The following ARHGEF26 variants were observed in gnomAD, a reference collection of about 807,000 sequenced individuals.
The protein encoded by ARHGEF26 is Rho guanine nucleotide exchange factor 26.
Under a neutral mutation model 89.4 loss-of-function variants are expected in ARHGEF26, and 59 were observed. The ratio of observed to expected loss-of-function variants is 0.66; its 90% confidence interval spans 0.54 to 0.82. The LOEUF is 0.82. Among genes scored for constraint, ARHGEF26 ranks in the 40% least tolerant of loss-of-function variants. The probability of loss-of-function intolerance (pLI) is 0.00; values close to 1 mark genes in which losing one functional copy is unlikely to be tolerated. For missense variants in ARHGEF26, 1,234 were observed against 1,085.6 expected, an observed-to-expected ratio of 1.14 and a Z score of -1.92; for synonymous variants, 500 against 428.4, an observed-to-expected ratio of 1.17 and a Z score of -2.06.
Position 154,253,185 on chromosome 3 carries a change from T to TA in ARHGEF26, c.2368+4dup, listed in dbSNP as rs773178312. On this transcript the variant is annotated splice_region_variant and intron_variant, in intron 13 of 14. Transcript: ENST00000465093. ...GGAAGCCGCCTGCAGACCGAACCTG[T>TA]AAGTTCTCTCAAGGGGAAGCCCACT... 3 of 1,613,984 alleles carry TA rather than the reference T, an allele frequency of 1.9e-6. No individual in the cohort carries two copies. The highest frequency in any genetic ancestry group is 2.5e-6 in the Non-Finnish European group (3 of 1,179,868).
chr3:154,176,775 T>C (rs938436311), intron 6 of ARHGEF26, among the ~76,000 whole-genome samples: 4 of 152,122 alleles, frequency 2.6e-5, no homozygotes, highest in African/African-American at 9.7e-5. Flanking sequence ...TAGAAGCAGA[T>C]TTTGGTAGAT....
chr3:154,226,144 G>T (rs1716471839), intron 11 of ARHGEF26, 134 bp downstream of exon 11: 1 of 729,440 alleles, frequency 1.4e-6, no homozygotes, highest in Non-Finnish European at 2.1e-6. Context: ...AATCATAATT[G>T]CATCTATGGT....
chr3:154,241,721 A>T (rs1231311120), intron 12 of ARHGEF26, among the ~76,000 whole-genome samples: 2 of 152,218 alleles, frequency 1.3e-5, no homozygotes, highest in East Asian at 1.9e-4. Context: ...AGGTCAGTGG[A>T]TGGAAACTTA....
intron 2 of ARHGEF26, among the ~76,000 whole-genome samples, chr3:154,124,002 C>G (rs1426332822): frequency 3.9e-5 from 6 of 152,296 alleles, no homozygotes; most frequent in Admixed American, 3.9e-4. Context: ...ATGCAAAACA[C>G]AAGCAAGCCT....
At chr3:154,228,456 C>CT (rs1471664375) in intron 11 of ARHGEF26, among the ~76,000 whole-genome samples, 1 of 140,428 alleles carries the variant, frequency 7.1e-6, no homozygotes, top group Admixed American at 7.1e-5. Context: ...TTTTCTTTTT[C>CT]TTTTTTTTCT....
intron 12 of ARHGEF26, among the ~76,000 whole-genome samples, chr3:154,241,050 T>A (rs955475278): frequency 3.3e-5 from 5 of 152,166 alleles, no homozygotes; most frequent in Admixed American, 6.5e-5. Context: ...TACGGAAATA[T>A]ACTGATAAAT....
intron 5 of ARHGEF26, among the ~76,000 whole-genome samples, chr3:154,151,394 T>C (rs1271235219): frequency 2.0e-5 from 3 of 152,210 alleles, no homozygotes; most frequent in South Asian, 2.1e-4. Flanking sequence ...TAGTACAGCA[T>C]TGAAGAAGTG....
intron 6 of ARHGEF26, among the ~76,000 whole-genome samples, chr3:154,157,286 A>G (rs1527800): frequency 0.91 from 138,266 of 152,182 alleles, 63,033 homozygotes; most frequent in East Asian, 1. Context: ...GACCCATGGT[A>G]GTTGGCGAAC....
intron 11 of ARHGEF26, among the ~76,000 whole-genome samples, chr3:154,227,315 A>C (rs1360294911): frequency 9.8e-6 from 1 of 101,832 alleles, no homozygotes; most frequent in Non-Finnish European, 1.9e-5. Flanking sequence ...TTTTTTTTTG[A>C]GATAGAGTCT....
chr3:154,200,559 A>G (rs990533533), intron 9 of ARHGEF26, among the ~76,000 whole-genome samples: 1 of 151,998 alleles, frequency 6.6e-6, no homozygotes, highest in Non-Finnish European at 1.5e-5. Context: ...TTGTGGTTTC[A>G]TATACATTTT....
At position 154,121,988 on chromosome 3, in the gene ARHGEF26, C is replaced by T. The variant is rs1303695616; in HGVS notation, c.-5C>T. On this transcript the variant is annotated 5_prime_UTR_variant, in exon 2 of 15. Transcript: ENST00000465093. ...TCCTCCCGGCGCTGACTTCGAGGCC[C>T]GGCTATGGACGGCGAGAGCGAGGTG... The T allele has an allele frequency of 1.3e-6, 2 of 1,582,230 alleles. No homozygotes were observed. The highest frequency in any genetic ancestry group is 1.7e-6 in the Non-Finnish European group (2 of 1,158,248).
intron 4 of ARHGEF26, 23 bp downstream of exon 4, chr3:154,129,742 A>G (rs1332036146): frequency 1.3e-6 from 2 of 1,589,952 alleles, no homozygotes; most frequent in Admixed American, 1.8e-5. Context: ...CTTCTTTTCT[A>G]TCTGTGGTAG....
intron 10 of ARHGEF26, among the ~76,000 whole-genome samples, chr3:154,219,727 C>A (rs1194414169): frequency 6.6e-6 from 1 of 151,832 alleles, no homozygotes; most frequent in Non-Finnish European, 1.5e-5. Flanking sequence ...TCCTGGCTAA[C>A]ACAGTGAAAC....
intron 2 of ARHGEF26, among the ~76,000 whole-genome samples, 163 bp downstream of exon 2, chr3:154,123,238 G>A (rs1718111112): frequency 6.6e-6 from 1 of 152,158 alleles, no homozygotes; most frequent in African/African-American, 2.4e-5. Flanking sequence ...CCACTTTGAT[G>A]CTGGCAGGCA....
Position 154,253,193 on chromosome 3 carries a change from CT to C in ARHGEF26, c.2368+11del. On this transcript the variant is annotated intron_variant, in intron 13 of 14. Transcript: ENST00000465093. ...CCTGCAGACCGAACCTGTAAGTTCT[CT>C]CAAGGGGAAGCCCACTTGGGAACAT... is the stretch of plus-strand genomic sequence containing the variant. The C allele has an allele frequency of 1.2e-6, 2 of 1,613,980 alleles. No homozygotes were observed. The highest frequency in any genetic ancestry group is 1.7e-6 in the Non-Finnish European group (2 of 1,179,862).
intron 11 of ARHGEF26, among the ~76,000 whole-genome samples, chr3:154,232,984 C>T (rs1237302170): frequency 2.6e-5 from 4 of 151,896 alleles, no homozygotes; most frequent in African/African-American, 7.3e-5. Flanking sequence ...CTTGCCACCA[C>T]GCCCGGCTAA....
At chr3:154,169,641 A>G (rs1188529617) in intron 6 of ARHGEF26, among the ~76,000 whole-genome samples, 2 of 152,198 alleles carry the variant, frequency 1.3e-5, no homozygotes, top group Non-Finnish European at 2.9e-5. Flanking sequence ...ATTGTAAGTT[A>G]GAGTTCTAGT....
In ARHGEF26 at chr3:154,256,978, A is replaced by G; in HGVS notation, c.*1505A>G. On this transcript the variant is annotated 3_prime_UTR_variant, in exon 15 of 15. Transcript: ENST00000465093. ...GGCAGCTATATTCCCTCTCTGTTCTATTTGCTTTAACAAAGGGATAAAACC... is the reference window on the plus strand; with the variant it reads ...GGCAGCTATATTCCCTCTCTGTTCTGTTTGCTTTAACAAAGGGATAAAACC... 1.3e-6 allele frequency: 2 copies of G among 1,523,786 alleles called. No homozygotes were observed. The highest frequency in any genetic ancestry group is 2.0e-5 in the Admixed American group (1 of 49,254). 94.4% of individuals were successfully genotyped at this position (1,523,786 alleles called of 1,614,324 possible).
intron 4 of ARHGEF26, among the ~76,000 whole-genome samples, chr3:154,138,794 C>T (rs1719179259): frequency 6.6e-6 from 1 of 152,154 alleles, no homozygotes; most frequent in Non-Finnish European, 1.5e-5. Context: ...CATCAAGGGC[C>T]TGCCCCACAT....
Sources: gnomAD v4.1 joint callset for allele counts (sites outside exome capture counted in the v4.1 genomes callset) on GRCh38, gnomAD v4.1.1 for gene constraint, MANE v1.5 for transcripts, NCBI Gene and HGNC (gene_info 2026-07-23, HGNC 2026-07-21) for gene names.